Variants in CHD6 observed in about 807,000 individuals in gnomAD.
CHD6 encodes the protein chromodomain helicase DNA binding protein 6.
CHD6 carries 50 observed loss-of-function variants against 276.9 expected under a neutral mutation model. The ratio of observed to expected loss-of-function variants is 0.18; its 90% CI spans 0.14 to 0.23. CHD6 has a LOEUF of 0.23. Ranked by LOEUF, CHD6 falls within the 10% of genes least tolerant of loss-of-function variation. CHD6 has a pLI of 1.00. For synonymous variants in CHD6, 1,173 were observed against 1,229.3 expected (o/e 0.95, Z 0.96); for missense variants, 2,564 against 3,365.8 (o/e 0.76, Z 5.89).
At position 41,431,776 on chromosome 20, in the gene CHD6, C is replaced by CTTTTTTTTTTTTT. The variant is rs61227802; in HGVS notation, c.4068+5485_4068+5497dup. 5.2e-3 allele frequency among the ~76,000 whole-genome samples: 539 copies of CTTTTTTTTTTTTT among 104,600 alleles called. 37 individuals carry two copies. Among genetic ancestry groups the CTTTTTTTTTTTTT allele is most frequent in the African/African-American group, 0.017 (461 of 26,648 alleles). 68.6% of individuals were successfully genotyped at this position (104,600 alleles called of 152,430 possible). On this transcript the variant is annotated intron_variant, in intron 27 of 36. Transcript: ENST00000373233. Reference sequence around the variant, plus strand: ...AGGAATGACATGATGAAAAAACATGCTTTTTTTTTTTTTTTGCTTCATATA... The same window carrying CTTTTTTTTTTTTT: ...AGGAATGACATGATGAAAAAACATGCTTTTTTTTTTTTTTTTTTTTTTTTTTTTGCTTCATATA...
At chr20:41,437,103 T>A in intron 27 of CHD6, 171 bp downstream of exon 27, 1 of 572,870 alleles carries the variant, frequency 1.7e-6, no homozygotes, top group South Asian at 2.5e-5. Context: ...TTAATTAGAA[T>A]AAAAATGCAA....
Position 41,463,428 on chromosome 20 carries a change from A to C in CHD6, c.2665-6000T>G, listed in dbSNP as rs186095289. Among the ~76,000 whole-genome samples the C allele has an allele frequency of 2.6e-3, 394 of 152,346 alleles. 3 individuals carry two copies. Among genetic ancestry groups the C allele is most frequent in the South Asian group, 5.0e-3 (24 of 4,834 alleles). On this transcript the variant is annotated intron_variant, in intron 17 of 36. Coordinates refer to ENST00000373233, the MANE Select transcript of CHD6 (RefSeq NM_032221.5). ...TTATTATTTTCAAAGGGAAAAACAG[A>C]AACTTTATAAGTGGAGAAATCGGAC...
chr20:41,603,437 G>T (rs2045793533), intron 1 of CHD6, among the ~76,000 whole-genome samples: 1 of 152,220 alleles, frequency 6.6e-6, no homozygotes, highest in Non-Finnish European at 1.5e-5. Context: ...TATGAGTTAT[G>T]GTTGCAAGAT....
chr20:41,493,548 A>G lies in CHD6; in HGVS notation c.1304T>C (p.Ile435Thr). The G allele has an allele frequency of 6.2e-7, 1 of 1,613,770 alleles. No homozygotes were observed. The highest frequency in any genetic ancestry group is 8.5e-7 in the Non-Finnish European group (1 of 1,179,808). The part of the protein sequence containing the change: ...EFESLQVLPE[I>T]KHVERPASDS... Reference sequence around the variant, plus strand: ...ACAAAACTACTTTACCACATGCTTAATTTCAGGGAGAACTTGAAGAGATTC... The same window carrying G: ...ACAAAACTACTTTACCACATGCTTAGTTTCAGGGAGAACTTGAAGAGATTC... The change falls in exon 10 of 37, where the codon ATT becomes ACT. Residue 435 changes from isoleucine to threonine, a missense_variant. Coordinates refer to ENST00000373233, the MANE Select transcript of CHD6 (RefSeq NM_032221.5).
chr20:41,431,793 C>CTTTTTTTTTTT (rs2047546842), intron 27 of CHD6, among the ~76,000 whole-genome samples: 2 of 76,366 alleles, frequency 2.6e-5, no homozygotes, highest in Admixed American at 1.3e-4. Context: ...TTTTTTTTTG[C>CTTTTTTTTTTT]TTCATATATC....
intron 1 of CHD6, among the ~76,000 whole-genome samples, chr20:41,608,271 A>T (rs920356883): frequency 2.6e-5 from 4 of 152,248 alleles, no homozygotes; most frequent in African/African-American, 9.6e-5. Flanking sequence ...AAAAAATAGT[A>T]AACAAGATTT....
intron 1 of CHD6, among the ~76,000 whole-genome samples, chr20:41,570,725 C>T (rs777613181): frequency 1.9e-4 from 29 of 152,202 alleles, no homozygotes; most frequent in Non-Finnish European, 4.1e-4. Flanking sequence ...AGATATCAAG[C>T]TCTGTCCACA....
chr20:41,476,808 A>C (rs1299845665), intron 16 of CHD6, among the ~76,000 whole-genome samples: 2 of 152,088 alleles, frequency 1.3e-5, no homozygotes, highest in Non-Finnish European at 2.9e-5. Flanking sequence ...AAGAAAGAAA[A>C]AGAAAAAAAA....
At chr20:41,480,216 A>T (rs1228112280) in intron 16 of CHD6, among the ~76,000 whole-genome samples, 1 of 152,220 alleles carries the variant, frequency 6.6e-6, no homozygotes, top group Non-Finnish European at 1.5e-5. Flanking sequence ...GAAACAAGGC[A>T]GATCACAGCT....
At position 41,497,370 on chromosome 20, in the gene CHD6, A is replaced by G. The variant is rs900680489; in HGVS notation, c.1092+14T>C. On this transcript the variant is annotated intron_variant, in intron 8 of 36. Transcript: ENST00000373233. ...AAAAGCAGCAGTCAAATGAGTCAGT[A>G]AATATTGCTTCACCTCCGTAAAAAT... The G allele has an allele frequency of 6.6e-7, 1 of 1,526,232 alleles. No individual in the cohort carries two copies. Among genetic ancestry groups the G allele is most frequent in the African/African-American group, 1.4e-5 (1 of 73,234 alleles). The allele number at this position is 1,526,232 out of a possible 1,614,324, so 94.5% of individuals were successfully genotyped here.
chr20:41,531,764 G>C lies in CHD6; in HGVS notation c.554+1286C>G, dbSNP rs144965411. Among the ~76,000 whole-genome samples the C allele has an allele frequency of 9.0e-3, 1,372 of 152,290 alleles. 10 individuals are homozygous for C. Among genetic ancestry groups the C allele is most frequent in the Non-Finnish European group, 0.015 (1,007 of 68,018 alleles). ...GAAACTATCCATCTGGTCCCAACAA[G>C]CTGTCCTTCTGAAAAAGAACTGAAC... On this transcript the variant is annotated intron_variant, in intron 3 of 36. Coordinates refer to ENST00000373233, the MANE Select transcript of CHD6 (RefSeq NM_032221.5).
chr20:41,514,074 C>G (rs1444708714), intron 4 of CHD6, among the ~76,000 whole-genome samples: 1 of 152,202 alleles, frequency 6.6e-6, no homozygotes, highest in Non-Finnish European at 1.5e-5. Flanking sequence ...GACACTGCTG[C>G]TTATTAATAC....
chr20:41,597,700 A>G (rs1394859326), intron 1 of CHD6, among the ~76,000 whole-genome samples: 6 of 152,102 alleles, frequency 3.9e-5, no homozygotes, highest in African/African-American at 1.4e-4. Context: ...GTAATGTTAA[A>G]GAAAAAAGCC....
intron 26 of CHD6, 142 bp downstream of exon 26, chr20:41,439,858 A>C (rs1349434770): frequency 3.9e-6 from 3 of 774,840 alleles, no homozygotes; most frequent in African/African-American, 3.5e-5. Flanking sequence ...AGTAGCAATT[A>C]TGGAAAACAG....
intron 1 of CHD6, among the ~76,000 whole-genome samples, chr20:41,561,538 C>A: frequency 6.6e-6 from 1 of 152,152 alleles, no homozygotes; most frequent in East Asian, 1.9e-4. Flanking sequence ...ACCATCCTCC[C>A]AGAGACTCAC....
chr20:41,425,842 T>C (rs183569076), intron 28 of CHD6, among the ~76,000 whole-genome samples: 2 of 152,202 alleles, frequency 1.3e-5, no homozygotes, highest in African/African-American at 4.8e-5. Context: ...AATTCCTTTT[T>C]ACCTCTCAGA....
intron 17 of CHD6, among the ~76,000 whole-genome samples, chr20:41,457,992 T>C (rs1019863222): frequency 6.6e-6 from 1 of 152,226 alleles, no homozygotes; most frequent in African/African-American, 2.4e-5. Flanking sequence ...ATACAAACTC[T>C]TGTAAAATAT....
chr20:41,523,701 T>C lies in CHD6; in HGVS notation c.555-8749A>G, dbSNP rs780458568. Among the ~76,000 whole-genome samples the C allele has an allele frequency of 5.3e-5, 8 of 152,128 alleles. No individual in the cohort carries two copies. The Middle Eastern group carries it at 0.01, about 194-fold the overall frequency. ...AAATTTCATTATCATATGAAAGCACTAGGATTTCTCAAACTTTCTCTTCAA... is the reference window on the plus strand; with the variant it reads ...AAATTTCATTATCATATGAAAGCACCAGGATTTCTCAAACTTTCTCTTCAA... On this transcript the variant is annotated intron_variant, in intron 3 of 36. Coordinates refer to ENST00000373233, the MANE Select transcript of CHD6 (RefSeq NM_032221.5).
chr20:41,559,961 C>T (rs1025935149), intron 1 of CHD6, among the ~76,000 whole-genome samples: 2 of 152,168 alleles, frequency 1.3e-5, no homozygotes, highest in African/African-American at 2.4e-5. Context: ...CCTGCCATGC[C>T]ACCCAGCCCA....
Sources: gnomAD v4.1 joint callset for allele counts (sites outside exome capture counted in the v4.1 genomes callset) on GRCh38, gnomAD v4.1.1 for gene constraint, MANE v1.5 for transcripts, NCBI Gene and HGNC (gene_info 2026-07-23, HGNC 2026-07-21) for gene names.